BICRA: variants seen among roughly 807,000 people sequenced by gnomAD.
The protein encoded by BICRA is BRD4 interacting chromatin remodeling complex associated protein, also known as BRD4-interacting chromatin-remodeling complex-associated protein.
In BICRA, 31 loss-of-function variants were observed where a neutral mutation model predicts 96.9. That is an observed-to-expected ratio of 0.32 (90% confidence interval 0.24 to 0.43). The LOEUF (loss-of-function observed/expected upper bound fraction) is 0.43. Among genes scored for constraint, BICRA ranks in the 20% least tolerant of loss-of-function variants. BICRA has a pLI of 1.00. For missense variants in BICRA, 2,283 were observed against 2,190.3 expected (o/e 1.04, Z -0.84); for synonymous variants, 1,350 against 1,071.8 (o/e 1.26, Z -5.07).
Position 47,701,479 on chromosome 19 carries a change from G to T in BICRA, c.3747G>T (p.Arg1249=). ...ACCTGCCCACCAAGCTTGTGATCCG[G>T]CACGGCGGGGCAGGCGGCTCCCCTT... is the stretch of plus-strand genomic sequence containing the variant. ...PPHLPTKLVI[R]HGGAGGSPSV... Residue 1249 remains arginine, a synonymous_variant, in exon 15 of 15, where the codon CGG becomes CGT. Transcript: ENST00000594866. This position sits in a 1 kb window ranked among gnomAD's most constrained non-coding sequence, Gnocchi z 5.4. 6.4e-7 allele frequency: 1 copy of T among 1,551,416 alleles called. No individual in the cohort carries two copies. The highest frequency in any genetic ancestry group is 8.7e-7 in the Non-Finnish European group (1 of 1,148,518).
At chr19:47,682,591 A>G (rs1973082533) in intron 7 of BICRA, among the ~76,000 whole-genome samples, 2 of 152,110 alleles carry the variant, frequency 1.3e-5, no homozygotes, top group African/African-American at 4.8e-5. Context: ...CAATTTTTAC[A>G]AAAAGGGTAG....
chr19:47,627,932 G>T (rs186132387), intron 1 of BICRA, among the ~76,000 whole-genome samples: 7 of 152,256 alleles, frequency 4.6e-5, no homozygotes, highest in Admixed American at 2.0e-4. Flanking sequence ...ACTATGTCTG[G>T]CTAATTTCTG....
chr19:47,634,014 G>T (rs996823351), intron 1 of BICRA, among the ~76,000 whole-genome samples: 2 of 152,228 alleles, frequency 1.3e-5, no homozygotes, highest in Non-Finnish European at 2.9e-5. Context: ...AAAAGATCGT[G>T]GAGCCATGTG....
chr19:47,661,299 G>T (rs931878355), intron 1 of BICRA, among the ~76,000 whole-genome samples: 1 of 151,616 alleles, frequency 6.6e-6, no homozygotes, highest in African/African-American at 2.4e-5. Flanking sequence ...AGAGGTGGCC[G>T]TAGCCAAGGG....
At position 47,640,981 on chromosome 19, in the gene BICRA, C is replaced by T. The variant is rs112820982; in HGVS notation, c.-107-29462C>T. On this transcript the variant is annotated intron_variant, in intron 1 of 14. Coordinates refer to ENST00000594866, the MANE Select transcript of BICRA (RefSeq NM_001394372.1). Reference sequence around the variant, plus strand: ...GTGACATGATCTTGGCTCACTGCAACATCCGCCTCCCGGGTTCAAGCGATT... The same window carrying T: ...GTGACATGATCTTGGCTCACTGCAATATCCGCCTCCCGGGTTCAAGCGATT... 7.7e-3 allele frequency among the ~76,000 whole-genome samples: 1,096 copies of T among 143,130 alleles called. 12 individuals are homozygous for T. The highest frequency in any genetic ancestry group is 0.026 in the African/African-American group (991 of 38,356). The allele number at this position is 143,130 out of a possible 152,430, so 93.9% of individuals were successfully genotyped here.
chr19:47,657,544 C>G (rs1291795711), intron 1 of BICRA, among the ~76,000 whole-genome samples: 1 of 152,034 alleles, frequency 6.6e-6, no homozygotes, highest in Non-Finnish European at 1.5e-5. Flanking sequence ...CTACAGGTAC[C>G]CACCACCACT....
intron 1 of BICRA, among the ~76,000 whole-genome samples, chr19:47,614,237 C>T (rs772349210): frequency 6.6e-6 from 1 of 152,092 alleles, no homozygotes; most frequent in Non-Finnish European, 1.5e-5. Flanking sequence ...CTCCAGAATC[C>T]CTGGTCCCCT....
At chr19:47,610,776 C>G (rs1971893874) in intron 1 of BICRA, among the ~76,000 whole-genome samples, 2 of 152,094 alleles carry the variant, frequency 1.3e-5, no homozygotes, top group Non-Finnish European at 1.5e-5. Flanking sequence ...TTAACCTCTC[C>G]CAGCACCTGG....
At chr19:47,668,098 T>C (rs534387612) in intron 1 of BICRA, among the ~76,000 whole-genome samples, 1 of 152,078 alleles carries the variant, frequency 6.6e-6, no homozygotes, top group Non-Finnish European at 1.5e-5. Flanking sequence ...GGCGTGGTGG[T>C]GCATGCCTGT....
intron 1 of BICRA, among the ~76,000 whole-genome samples, chr19:47,651,947 GA>G (rs1195957088): frequency 1.3e-5 from 2 of 152,210 alleles, no homozygotes; most frequent in Non-Finnish European, 2.9e-5. Context: ...CCTGCTCTGG[GA>G]CAGGAACGTT....
chr19:47,667,433 C>T (rs1006325562), intron 1 of BICRA, among the ~76,000 whole-genome samples: 5 of 152,184 alleles, frequency 3.3e-5, no homozygotes, highest in African/African-American at 7.2e-5. Context: ...AGAAGCCTCA[C>T]GGGAGCTGCA....
intron 1 of BICRA, among the ~76,000 whole-genome samples, chr19:47,615,541 G>T (rs1043292999): frequency 6.6e-6 from 1 of 152,166 alleles, no homozygotes; most frequent in South Asian, 2.1e-4. Flanking sequence ...CTGAATGGCT[G>T]TGGACAGGGG....
intron 5 of BICRA, 134 bp downstream of exon 5, chr19:47,676,050 C>T (rs1223715446): frequency 1.6e-6 from 1 of 617,148 alleles, no homozygotes; most frequent in East Asian, 2.9e-5. Flanking sequence ...GGTGGGCCAC[C>T]CAGGGTGGCT....
Position 47,701,435 on chromosome 19 carries a change from T to C in BICRA, c.3703T>C (p.Ser1235Pro). 6.3e-7 allele frequency: 1 copy of C among 1,576,840 alleles called. No homozygotes were observed. Among genetic ancestry groups the C allele is most frequent in the Non-Finnish European group, 8.6e-7 (1 of 1,162,536 alleles). ...GPLSSSAPGA[S>P]TQPPPHLPTK... ...CCTGTCGTCTTCAGCTCCCGGGGCC[T>C]CCACCCAGCCCCCTCCACACCTGCC... The change falls in exon 15 of 15, where the codon TCC becomes CCC. Residue 1235 changes from serine (S) to proline (P), a missense_variant. Transcript: ENST00000594866. This position sits in a 1 kb window ranked among gnomAD's most constrained non-coding sequence, Gnocchi z 5.4.
At chr19:47,638,570 G>C (rs752895608) in intron 1 of BICRA, among the ~76,000 whole-genome samples, 11 of 151,240 alleles carry the variant, frequency 7.3e-5, no homozygotes, top group Non-Finnish European at 1.5e-4. Context: ...GCATGTGTAA[G>C]CATCTCTGTC....
At chr19:47,625,201 T>C (rs1200192939) in intron 1 of BICRA, among the ~76,000 whole-genome samples, 5 of 151,802 alleles carry the variant, frequency 3.3e-5, no homozygotes, top group Non-Finnish European at 7.4e-5. Flanking sequence ...GGTTTCACCA[T>C]GTTGGCCAGG....
Position 47,694,610 on chromosome 19 carries a change from C to A in BICRA, c.2779C>A (p.His927Asn). 3.2e-6 allele frequency: 5 copies of A among 1,565,958 alleles called. No individual in the cohort carries two copies. In the South Asian group the frequency reaches 3.3e-5, roughly 10 times the overall value. Residue 927 changes from histidine (H) to asparagine (N), a missense_variant, in exon 8 of 15, where the codon CAC becomes AAC. Transcript: ENST00000594866. ...GTCCCCCACTCCCCCTCCAACCCTC[C>A]ACCTGGTCCCTGAGCCGGCAGCACC... Reference protein sequence around the residue: ...HKSPTPPPTLHLVPEPAAPPP... With the variant: ...HKSPTPPPTLNLVPEPAAPPP...
Position 47,646,641 on chromosome 19 carries a change from G to GTGAGAC in BICRA, c.-107-23799_-107-23794dup, listed in dbSNP as rs1972464018. ...TAATCCTCCTGACAGTCCCTTGAAG[G>GTGAGAC]TGAGACTGTTACTATCAGAAATGGA... On this transcript the variant is annotated intron_variant, in intron 1 of 14. Coordinates refer to ENST00000594866, the MANE Select transcript of BICRA (RefSeq NM_001394372.1). Among the ~76,000 whole-genome samples, 4 of 152,264 alleles carry GTGAGAC rather than the reference G, an allele frequency of 2.6e-5. No homozygotes were observed. In the South Asian group the frequency reaches 8.3e-4, roughly 32 times the overall value.
chr19:47,623,936 C>T (rs898916569), intron 1 of BICRA, among the ~76,000 whole-genome samples: 1 of 151,506 alleles, frequency 6.6e-6, no homozygotes, highest in African/African-American at 2.4e-5. Flanking sequence ...ACCGCAACCT[C>T]TGCCTTCGGC....
Sources: gnomAD v4.1 joint callset for allele counts (sites outside exome capture counted in the v4.1 genomes callset) on GRCh38, gnomAD v4.1.1 for gene constraint, Gnocchi (gnomAD v3.1) non-coding constraint, MANE v1.5 for transcripts, NCBI Gene and HGNC (gene_info 2026-07-23, HGNC 2026-07-21) for gene names.